The following CLASP1 variants were observed in gnomAD, a reference collection of about 807,000 sequenced individuals.
CLASP1 encodes CLIP-associating protein 1.
A neutral mutation model predicts 192.3 loss-of-function variants in CLASP1; 38 were observed. That is an observed-to-expected ratio of 0.20 (90% CI 0.15 to 0.26). The LOEUF is 0.26. Among genes scored for constraint, CLASP1 ranks in the 10% least tolerant of loss-of-function variants. CLASP1 has a pLI of 1.00. For synonymous variants in CLASP1, 691 were observed against 712.8 expected, an observed-to-expected ratio of 0.97 and a Z score of 0.49; for missense variants, 1,433 against 1,932.5, an observed-to-expected ratio of 0.74 and a Z score of 4.85.
intron 6 of CLASP1, among the ~76,000 whole-genome samples, chr2:121,522,788 T>C (rs1173205411): frequency 6.6e-6 from 1 of 152,184 alleles, no homozygotes; most frequent in Non-Finnish European, 1.5e-5. Flanking sequence ...TATGTCAATA[T>C]CACAAATACA....
intron 1 of CLASP1, among the ~76,000 whole-genome samples, chr2:121,615,874 G>C (rs940996407): frequency 6.6e-6 from 1 of 152,078 alleles, no homozygotes; most frequent in Non-Finnish European, 1.5e-5. Context: ...ACTAATAGCT[G>C]TCAAGCAATA....
rs1168504501 is a variant in CLASP1 at position 121,427,654 on chromosome 2, A to G, written c.2018-224T>C. 6.6e-5 allele frequency among the ~76,000 whole-genome samples: 10 copies of G among 152,204 alleles called. No homozygotes were observed. In the East Asian group the frequency reaches 1.9e-3, roughly 29 times the overall value. ...CAGATCTGTTCATAAAACACTTTCAAACCTACAATGTGCCAGGCTCACATC... is the reference window on the plus strand; with the variant it reads ...CAGATCTGTTCATAAAACACTTTCAGACCTACAATGTGCCAGGCTCACATC... On this transcript the variant is annotated intron_variant, in intron 20 of 39. Transcript: ENST00000263710.
At chr2:121,365,157 A>T in exon 36 of CLASP1, 2 of 1,613,930 alleles carry the variant, frequency 1.2e-6, no homozygotes, top group Non-Finnish European at 8.5e-7. Flanking sequence ...CCTCCCAGAC[A>T]CCAAGGCTGT....
At chr2:121,645,549 A>T (rs1462667420) in intron 1 of CLASP1, among the ~76,000 whole-genome samples, 1 of 152,220 alleles carries the variant, frequency 6.6e-6, no homozygotes. Flanking sequence ...TTAGTTATAC[A>T]AGTCACTTAG....
At chr2:121,557,757 G>A (rs756562689) in intron 2 of CLASP1, among the ~76,000 whole-genome samples, 1 of 149,362 alleles carries the variant, frequency 6.7e-6, no homozygotes, top group African/African-American at 2.5e-5. Context: ...ACTTCATCTT[G>A]GAAAAAAAGA....
intron 2 of CLASP1, among the ~76,000 whole-genome samples, chr2:121,544,907 C>CTTTTTTTTTTT (rs3078562): frequency 8.1e-6 from 1 of 122,882 alleles, no homozygotes; most frequent in Non-Finnish European, 1.8e-5. Flanking sequence ...CTTTTCTTTT[C>CTTTTTTTTTTT]TTTTTTTTTT....
chr2:121,637,168 G>A (rs922177935), intron 1 of CLASP1, among the ~76,000 whole-genome samples: 1 of 152,020 alleles, frequency 6.6e-6, no homozygotes, highest in Non-Finnish European at 1.5e-5. Context: ...AGAAAGGAGG[G>A]GAATTCATAT....
exon 12 of CLASP1, chr2:121,460,058 C>A: frequency 6.2e-7 from 1 of 1,613,524 alleles, no homozygotes; most frequent in Non-Finnish European, 8.5e-7. Flanking sequence ...ATCCAAAAGA[C>A]GCAAATGTTG....
intron 2 of CLASP1, among the ~76,000 whole-genome samples, chr2:121,534,764 G>T (rs2095000358): frequency 6.6e-6 from 1 of 151,142 alleles, no homozygotes; most frequent in South Asian, 2.1e-4. Context: ...CTGACCTCAA[G>T]CAATCTGCCT....
chr2:121,479,032 C>CACACACACACA (rs2092345421), intron 8 of CLASP1, among the ~76,000 whole-genome samples: 1 of 82,990 alleles, frequency 1.2e-5, no homozygotes, highest in African/African-American at 5.7e-5. Context: ...ACACACACAC[C>CACACACACACA]CCACACACAC....
exon 40 of CLASP1, chr2:121,339,905 G>C (rs2062631678): frequency 2.0e-5 from 3 of 152,224 alleles, no homozygotes; most frequent in Admixed American, 2.0e-4. Context: ...TGTTAGAACT[G>C]AACGGCTTAG....
chr2:121,524,802 GGAA>G (rs1055857360), intron 6 of CLASP1, among the ~76,000 whole-genome samples: 9 of 152,154 alleles, frequency 5.9e-5, no homozygotes, highest in African/African-American at 1.9e-4. Flanking sequence ...GGGCGTGAGT[GGAA>G]GAAGAAAGCA....
At chr2:121,385,990 T>C (rs1349768071) in intron 32 of CLASP1, among the ~76,000 whole-genome samples, 2 of 152,100 alleles carry the variant, frequency 1.3e-5, no homozygotes, top group Non-Finnish European at 2.9e-5. Context: ...AGAGGGAAAC[T>C]TGAGGGAGTA....
chr2:121,458,366 T>G lies in CLASP1; in HGVS notation c.1314+474A>C, dbSNP rs1360473438. Among the ~76,000 whole-genome samples, 4 of 152,324 alleles carry G rather than the reference T, an allele frequency of 2.6e-5. No individual in the cohort carries two copies. In the East Asian group the frequency reaches 7.7e-4, roughly 29 times the overall value. On this transcript the variant is annotated intron_variant, in intron 13 of 39. Transcript: ENST00000263710. ...GTGTATAAATTACTTGGATAATTAT[T>G]TAAATTTAAACAAACAAGTGCCTAG...
At chr2:121,384,093 T>TATAC (rs1445474356) in intron 32 of CLASP1, among the ~76,000 whole-genome samples, 27 of 135,814 alleles carry the variant, frequency 2.0e-4, no homozygotes, top group Admixed American at 9.5e-4. Context: ...TATGTATATA[T>TATAC]ACACACATAT....
chr2:121,535,634 G>A (rs76846189), intron 2 of CLASP1, among the ~76,000 whole-genome samples: 2,068 of 152,126 alleles, frequency 0.014, 59 homozygotes, highest in South Asian at 0.11. Flanking sequence ...AAAAAGTAAC[G>A]GCTGACATTC....
intron 23 of CLASP1, 135 bp downstream of exon 23, chr2:121,418,487 T>C: frequency 4.5e-6 from 3 of 666,282 alleles, no homozygotes; most frequent in Non-Finnish European, 7.8e-6. Flanking sequence ...AAGGGGTAAC[T>C]AAGGAAGAGG....
intron 34 of CLASP1, among the ~76,000 whole-genome samples, chr2:121,370,018 A>G (rs567875307): frequency 9.2e-5 from 14 of 152,326 alleles, no homozygotes; most frequent in Non-Finnish European, 1.3e-4. Flanking sequence ...AATTTCTATT[A>G]AAGCAAAGCA....
chr2:121,427,470 G>T (rs370425156), intron 20 of CLASP1, 40 bp from the exon 21 acceptor site: 30 of 1,608,182 alleles, frequency 1.9e-5, no homozygotes, highest in Admixed American at 5.0e-5. Flanking sequence ...GCAAAAAGTG[G>T]ATTAAAAGAC....
Sources: gnomAD v4.1 joint callset for allele counts (sites outside exome capture counted in the v4.1 genomes callset) on GRCh38, gnomAD v4.1.1 for gene constraint, MANE v1.5 for transcripts, NCBI Gene and HGNC (gene_info 2026-07-23, HGNC 2026-07-21) for gene names.